The following AKAP10 variants were observed in gnomAD, a reference collection of about 807,000 sequenced individuals.
The protein encoded by AKAP10 is A-kinase anchor protein 10, mitochondrial.
A neutral mutation model predicts 80.8 loss-of-function variants in AKAP10; 24 were observed. The ratio of observed to expected loss-of-function variants is 0.30; its 90% CI spans 0.22 to 0.42. The LOEUF is 0.42. Among genes scored for constraint, AKAP10 ranks in the 10% least tolerant of loss-of-function variants. The pLI is 1.00. For missense variants in AKAP10, 661 were observed against 794.9 expected, an observed-to-expected ratio of 0.83 and a Z score of 2.03; for synonymous variants, 291 against 277.7, an observed-to-expected ratio of 1.05 and a Z score of -0.48.
At position 19,928,528 on chromosome 17, in the gene AKAP10, T is replaced by TTAA. The variant is rs148825480; in HGVS notation, c.1641+3274_1641+3276dup. On this transcript the variant is annotated intron_variant, in intron 10 of 14. Coordinates refer to ENST00000225737, the MANE Select transcript of AKAP10 (RefSeq NM_007202.4). ...ACAATCTGGCAGTTTTTCAATAAGT[T>TTAA]TAAGAGTTACCTCTTGACTCAGCAA... Among the ~76,000 whole-genome samples, 405 of 152,302 alleles carry TTAA rather than the reference T, an allele frequency of 2.7e-3. 15 individuals are homozygous for TTAA. The East Asian group carries it at 0.074, about 28-fold the overall frequency.
At chr17:19,911,624 A>T (rs895848892) in intron 12 of AKAP10, among the ~76,000 whole-genome samples, 6 of 151,882 alleles carry the variant, frequency 4.0e-5, no homozygotes, top group Non-Finnish European at 8.8e-5. Flanking sequence ...GGATCACCTG[A>T]GGTCAGGAGT....
intron 1 of AKAP10, among the ~76,000 whole-genome samples, chr17:19,970,331 CT>C (rs1440867474): frequency 1.3e-5 from 2 of 152,182 alleles, no homozygotes; most frequent in African/African-American, 4.8e-5. Flanking sequence ...CACGGTTCCA[CT>C]TTTACCACCT....
At position 19,963,009 on chromosome 17, in the gene AKAP10, T is replaced by C. The variant is rs2043371849; in HGVS notation, c.150A>G (p.Val50=). The C allele has an allele frequency of 6.2e-7, 1 of 1,609,094 alleles. No homozygotes were observed. The highest frequency in any genetic ancestry group is 1.3e-5 in the African/African-American group (1 of 74,826). Residue 50 remains valine (V), a synonymous_variant, in exon 3 of 15, where the codon GTA becomes GTG. Transcript: ENST00000225737. The part of the protein sequence containing the change: ...DVKSIKASIS[V]HSPQKSTKNH... Reference sequence around the variant, plus strand: ...TTTTAGTGCTTTTTTGTGGGGAATGTACGGATATTGAAGCTATAATTTTTC... The same window carrying C: ...TTTTAGTGCTTTTTTGTGGGGAATGCACGGATATTGAAGCTATAATTTTTC...
chr17:19,976,858 G>A (rs1048068355), intron 1 of AKAP10, among the ~76,000 whole-genome samples: 2 of 152,164 alleles, frequency 1.3e-5, no homozygotes, highest in African/African-American at 4.8e-5. Context: ...GAATTGACAG[G>A]AAAAATCACT....
chr17:19,975,089 C>G (rs373159181), intron 1 of AKAP10, among the ~76,000 whole-genome samples: 61 of 152,158 alleles, frequency 4.0e-4, no homozygotes, highest in African/African-American at 1.1e-3. Flanking sequence ...TGTAGTGACT[C>G]AAATATGGCT....
chr17:19,967,091 C>G (rs1021299520), intron 2 of AKAP10, among the ~76,000 whole-genome samples: 2 of 151,910 alleles, frequency 1.3e-5, no homozygotes, highest in Non-Finnish European at 2.9e-5. Context: ...AACATAAAAA[C>G]ATTTGAAGGA....
chr17:19,946,239 A>AT (rs1567765519), intron 5 of AKAP10, among the ~76,000 whole-genome samples: 7 of 7,746 alleles, frequency 9.0e-4, no homozygotes, highest in East Asian at 7.4e-3. Flanking sequence ...TATATATATT[A>AT]TATATATATA....
chr17:19,942,278 A>G (rs1447203271), intron 5 of AKAP10, among the ~76,000 whole-genome samples: 2 of 152,248 alleles, frequency 1.3e-5, no homozygotes, highest in Non-Finnish European at 2.9e-5. Flanking sequence ...AAGAAAAATG[A>G]GCAAAGGACA....
At chr17:19,951,766 G>T (rs1159321680) in intron 4 of AKAP10, among the ~76,000 whole-genome samples, 2 of 151,996 alleles carry the variant, frequency 1.3e-5, no homozygotes, top group Non-Finnish European at 2.9e-5. Context: ...GCAGAAGGCC[G>T]CAGGGTCCTC....
intron 10 of AKAP10, among the ~76,000 whole-genome samples, chr17:19,925,869 T>C (rs1157445973): frequency 1.3e-5 from 2 of 152,206 alleles, no homozygotes; most frequent in East Asian, 3.8e-4. Context: ...TCATTTATAC[T>C]TTCTGATTTC....
At chr17:19,947,328 T>A in intron 5 of AKAP10, 79 bp downstream of exon 5, 1 of 1,098,292 alleles carries the variant, frequency 9.1e-7, no homozygotes, top group Non-Finnish European at 1.4e-6. Flanking sequence ...GAAAAAATTA[T>A]CTTAGTCAAT....
intron 12 of AKAP10, among the ~76,000 whole-genome samples, chr17:19,916,287 T>C (rs972944832): frequency 6.6e-6 from 1 of 152,200 alleles, no homozygotes; most frequent in African/African-American, 2.4e-5. Flanking sequence ...CTACATTTGT[T>C]TGTCTGTTAC....
At position 19,920,039 on chromosome 17, in the gene AKAP10, T is replaced by C; in HGVS notation, c.1831A>G (p.Lys611Glu). 6.2e-7 allele frequency: 1 copy of C among 1,611,434 alleles called. No homozygotes were observed. Among genetic ancestry groups the C allele is most frequent in the Non-Finnish European group, 8.5e-7 (1 of 1,177,928 alleles). ...SEPEPDVRKSKGSMFSQAMKK... is the reference protein window; with the variant it reads ...SEPEPDVRKSEGSMFSQAMKK... ...GAAGTATAAAAACACCACAAACCTT[T>C]TGATTTCCTTACATCAGGTTCAGGC... The change falls in exon 12 of 15, where the codon AAA becomes GAA. Residue 611 changes from lysine (K) to glutamate (E), a missense_variant. Transcript: ENST00000225737.
chr17:19,968,515 A>G (rs1296833926), intron 1 of AKAP10, 54 bp from the exon 2 acceptor site: 23 of 1,404,560 alleles, frequency 1.6e-5, no homozygotes, highest in African/African-American at 2.9e-5. Context: ...GATCCATTCT[A>G]TAACACTGTA....
chr17:19,929,015 G>A (rs960702695), intron 10 of AKAP10, among the ~76,000 whole-genome samples: 1 of 152,200 alleles, frequency 6.6e-6, no homozygotes, highest in African/African-American at 2.4e-5. Flanking sequence ...TGGCCATAAT[G>A]AGGAATAAAA....
rs1200044439 is a variant in AKAP10 at position 19,904,883 on chromosome 17, T to TA, written c.*1343dup. On this transcript the variant is annotated 3_prime_UTR_variant, in exon 15 of 15. Coordinates refer to ENST00000225737, the MANE Select transcript of AKAP10 (RefSeq NM_007202.4). ...GAGGTGGTACATAGTACCAAAAACTTACACAAAGCCTTTTTGCTTCTTCTG... is the reference window on the plus strand; with the variant it reads ...GAGGTGGTACATAGTACCAAAAACTTAACACAAAGCCTTTTTGCTTCTTCTG... The TA allele has an allele frequency of 6.6e-6, 1 of 151,996 alleles. No homozygotes were observed. The highest frequency in any genetic ancestry group is 1.5e-5 in the Non-Finnish European group (1 of 67,998). 9.4% of individuals were successfully genotyped at this position (151,996 alleles called of 1,614,324 possible).
Position 19,958,228 on chromosome 17 carries a change from T to C in AKAP10, c.663A>G (p.Glu221=), listed in dbSNP as rs768722326. 2 of 1,614,170 alleles carry C rather than the reference T, an allele frequency of 1.2e-6. No homozygotes were observed. The highest frequency in any genetic ancestry group is 1.7e-6 in the Non-Finnish European group (2 of 1,180,038). Residue 221 remains glutamate, a synonymous_variant, in exon 4 of 15, where the codon GAA becomes GAG. Transcript: ENST00000225737. ...TAGTTCTATTATTCAGGTCAATTCCTTCTGAATGAGTCATAAACAACTGTG... is the reference window on the plus strand; with the variant it reads ...TAGTTCTATTATTCAGGTCAATTCCCTCTGAATGAGTCATAAACAACTGTG... ...GSAQLFMTHS[E]GIDLNNRTNS...
At position 19,905,263 on chromosome 17, in the gene AKAP10, A is replaced by G. The variant is rs1274843124; in HGVS notation, c.*964T>C. Reference sequence around the variant, plus strand: ...AAGGAGAAGAAAGACGACCAACTGCACACTTTCCAGCTCACAGCAAAGAAT... The same window carrying G: ...AAGGAGAAGAAAGACGACCAACTGCGCACTTTCCAGCTCACAGCAAAGAAT... On this transcript the variant is annotated 3_prime_UTR_variant, in exon 15 of 15. Transcript: ENST00000225737. 6.6e-6 allele frequency: 1 copy of G among 151,996 alleles called. No individual in the cohort carries two copies. The highest frequency in any genetic ancestry group is 1.5e-5 in the Non-Finnish European group (1 of 68,006). 9.4% of individuals were successfully genotyped at this position (151,996 alleles called of 1,614,324 possible).
In AKAP10 at chr17:19,905,924, T is replaced by C; in HGVS notation, c.*303A>G. 2 of 358,630 alleles carry C rather than the reference T, an allele frequency of 5.6e-6. No homozygotes were observed. The highest frequency in any genetic ancestry group is 6.5e-4 in the Middle Eastern group (1 of 1,550). The allele number at this position is 358,630 out of a possible 1,614,324, so 22.2% of individuals were successfully genotyped here. On this transcript the variant is annotated 3_prime_UTR_variant, in exon 15 of 15. Coordinates refer to ENST00000225737, the MANE Select transcript of AKAP10 (RefSeq NM_007202.4). ...AGGATGTGGTCCCTGTCTATTCCAG[T>C]AGGCTAAAACACTCTCATAAATGGG...
Sources: allele counts gnomAD v4.1 joint callset (sites outside exome capture counted in the v4.1 genomes callset), GRCh38; gene constraint gnomAD v4.1.1; transcripts MANE v1.5; gene names NCBI Gene and HGNC (gene_info 2026-07-23, HGNC 2026-07-21).